Variants in LRRFIP2 observed in about 807,000 individuals in gnomAD.
The protein encoded by LRRFIP2 is LRR binding FLII interacting protein 2.
In LRRFIP2, 109 loss-of-function variants were observed where a neutral mutation model predicts 125.9. The ratio of observed to expected loss-of-function variants is 0.87; its 90% CI spans 0.74 to 1.01. The LOEUF is 1.01. Ranked by LOEUF, LRRFIP2 falls within the 50% of genes least tolerant of loss-of-function variation. The pLI is 0.00. For missense variants in LRRFIP2, 850 were observed against 862.3 expected (o/e 0.99, Z 0.18); for synonymous variants, 291 against 293.1 (o/e 0.99, Z 0.07).
intron 19 of LRRFIP2, among the ~76,000 whole-genome samples, chr3:37,078,529 A>G (rs562266407): frequency 6.6e-6 from 1 of 152,180 alleles, no homozygotes; most frequent in South Asian, 2.1e-4. Flanking sequence ...TACAGATGTA[A>G]GACAGAAGAG....
chr3:37,133,528 T>G (rs535034861), intron 2 of LRRFIP2, among the ~76,000 whole-genome samples: 2 of 152,308 alleles, frequency 1.3e-5, no homozygotes, highest in East Asian at 3.9e-4. Flanking sequence ...TTATACTAAA[T>G]GAAATAAGCC....
At chr3:37,072,984 CA>C in intron 20 of LRRFIP2, 102 bp from the exon 21 acceptor site, 1 of 723,256 alleles carries the variant, frequency 1.4e-6, no homozygotes, top group Non-Finnish European at 2.3e-6. Context: ...GAAACTTAAC[CA>C]AAAGGGAAAG....
chr3:37,170,533 T>A (rs1245802209), intron 1 of LRRFIP2: 2 of 152,232 alleles, frequency 1.3e-5, no homozygotes, highest in Non-Finnish European at 2.9e-5. Context: ...AATTTATCTA[T>A]CTGAACTTAA....
upstream of LRRFIP2, chr3:37,176,274 G>A (rs1010033062): frequency 1.3e-5 from 2 of 152,276 alleles, no homozygotes; most frequent in Admixed American, 6.5e-5. Flanking sequence ...CCGCGGCTGA[G>A]ACAGCGGGAA....
intron 17 of LRRFIP2, 133 bp from the exon 18 acceptor site, chr3:37,091,671 A>G (rs905377162): frequency 3.1e-6 from 2 of 649,558 alleles, no homozygotes; most frequent in East Asian, 2.9e-5. Context: ...GTACAAAAAC[A>G]TAACTCCCAC....
At position 37,112,987 on chromosome 3, in the gene LRRFIP2, G is replaced by C; in HGVS notation, c.373-7C>G. 6.5e-7 allele frequency: 1 copy of C among 1,535,420 alleles called. No individual in the cohort carries two copies. The stretch of plus-strand genomic sequence containing the variant: ...AGTGACTGTAAGAATGATTCTGGAA[G>C]TAAATATTCCAAGTTAACTTCAATG... On this transcript the variant is annotated splice_polypyrimidine_tract_variant and splice_region_variant and intron_variant, in intron 7 of 27. Coordinates refer to ENST00000336686, the MANE Select transcript of LRRFIP2 (RefSeq NM_006309.4).
chr3:37,110,957 T>C, intron 9 of LRRFIP2, 34 bp downstream of exon 9: 1 of 1,596,750 alleles, frequency 6.3e-7, no homozygotes. Flanking sequence ...TAAAAGTGAA[T>C]CAAACACATA....
chr3:37,082,552 T>C (rs1369311662), intron 19 of LRRFIP2, among the ~76,000 whole-genome samples: 1 of 152,140 alleles, frequency 6.6e-6, no homozygotes, highest in East Asian at 1.9e-4. Context: ...GAGTTTACAT[T>C]AGGGTTCACT....
intron 2 of LRRFIP2, chr3:37,134,920 T>G: frequency 2.9e-6 from 4 of 1,370,894 alleles, no homozygotes; most frequent in Non-Finnish European, 3.1e-6. Context: ...TGTCTCGATA[T>G]TCTAAGATCA....
intron 23 of LRRFIP2, chr3:37,065,117 T>A (rs908714337): frequency 4.2e-4 from 57 of 137,042 alleles, no homozygotes; most frequent in South Asian, 1.1e-3. Flanking sequence ...TGTTTTTTTT[T>A]AAAATAAAAG....
intron 6 of LRRFIP2, among the ~76,000 whole-genome samples, chr3:37,117,215 A>C (rs969237897): frequency 6.6e-6 from 1 of 152,036 alleles, no homozygotes; most frequent in African/African-American, 2.4e-5. Flanking sequence ...AAATAAGGTA[A>C]GTTCATGGAA....
At chr3:37,127,857 T>C (rs940097945) in intron 3 of LRRFIP2, among the ~76,000 whole-genome samples, 177 bp from the exon 4 acceptor site, 8 of 152,350 alleles carry the variant, frequency 5.3e-5, no homozygotes, top group African/African-American at 1.9e-4. Flanking sequence ...GATGCATGTT[T>C]CCCTGTAGTT....
chr3:37,148,576 T>C (rs1358750506), intron 2 of LRRFIP2, among the ~76,000 whole-genome samples: 1 of 152,232 alleles, frequency 6.6e-6, no homozygotes, highest in Non-Finnish European at 1.5e-5. Flanking sequence ...ATAACATTTC[T>C]CTAATAAAAA....
chr3:37,057,174 T>C (rs1194022469), intron 25 of LRRFIP2, among the ~76,000 whole-genome samples: 1 of 152,202 alleles, frequency 6.6e-6, no homozygotes, highest in Non-Finnish European at 1.5e-5. Context: ...ATACCAGCTA[T>C]ACAACAACCT....
At chr3:37,075,185 AAC>A (rs2091854053) in intron 19 of LRRFIP2, 69 bp from the exon 20 acceptor site, 1 of 1,031,206 alleles carries the variant, frequency 9.7e-7, no homozygotes, top group African/African-American at 1.6e-5. Flanking sequence ...TACACAATAC[AAC>A]ACAGAGGTTA....
intron 24 of LRRFIP2, 80 bp downstream of exon 24, chr3:37,063,662 T>C: frequency 9.8e-7 from 1 of 1,020,830 alleles, no homozygotes; most frequent in East Asian, 2.4e-5. Flanking sequence ...CATATTTTTT[T>C]AATGAACATT....
intron 19 of LRRFIP2, among the ~76,000 whole-genome samples, chr3:37,077,961 C>T (rs183399644): frequency 6.1e-4 from 93 of 152,082 alleles, no homozygotes; most frequent in African/African-American, 2.1e-3. Flanking sequence ...TAGCCAAACT[C>T]ACAGAGACAG....
chr3:37,133,542 CAGAAA>C (rs1475349606), intron 2 of LRRFIP2, among the ~76,000 whole-genome samples: 1 of 152,144 alleles, frequency 6.6e-6, no homozygotes, highest in Non-Finnish European at 1.5e-5. Flanking sequence ...ATAAGCCAGA[CAGAAA>C]GGAGTAATAT....
intron 21 of LRRFIP2, chr3:37,067,151 C>T (rs2090316719): frequency 6.6e-6 from 1 of 152,170 alleles, no homozygotes; most frequent in Non-Finnish European, 1.5e-5. Context: ...AGGCATAAAT[C>T]AAGGTAAAGC....
Sources: gnomAD v4.1 joint callset for allele counts (sites outside exome capture counted in the v4.1 genomes callset) on GRCh38, gnomAD v4.1.1 for gene constraint, MANE v1.5 for transcripts, NCBI Gene and HGNC (gene_info 2026-07-23, HGNC 2026-07-21) for gene names.